AR: variants seen among roughly 807,000 people sequenced by gnomAD.
AR encodes androgen receptor.
Under a neutral mutation model 53.9 loss-of-function variants are expected in AR, and 8 were observed. The ratio of observed to expected loss-of-function variants is 0.15; its 90% confidence interval spans 0.09 to 0.27. The LOEUF is 0.27. Among genes scored for constraint, AR ranks in the 10% least tolerant of loss-of-function variants. AR has a pLI of 1.00. For synonymous variants in AR, 359 were observed against 316.4 expected (o/e 1.13, Z -1.43); for missense variants, 639 against 742.5 (o/e 0.86, Z 1.62).
At chrX:67,660,343 T>C (rs1245724734) in intron 2 of AR, among the ~76,000 whole-genome samples, 6 of 112,063 alleles carry the variant, frequency 5.4e-5, no homozygotes, top group Non-Finnish European at 1.1e-4. Context: ...TTTTATGGTT[T>C]TAGGTCTAAC....
chrX:67,627,394 T>G, intron 1 of AR, among the ~76,000 whole-genome samples: 1 of 112,431 alleles, frequency 8.9e-6, no homozygotes, highest in East Asian at 2.8e-4. Context: ...ATGGTGAGCA[T>G]TTTTTCATGT....
chrX:67,613,760 C>T (rs928746132), intron 1 of AR, among the ~76,000 whole-genome samples: 8 of 111,749 alleles, frequency 7.2e-5, no homozygotes, highest in African/African-American at 2.0e-4. Context: ...CCACCCTGAC[C>T]AAGGGGCAAC....
chrX:67,635,261 G>A (rs940730058), intron 1 of AR, among the ~76,000 whole-genome samples: 1 of 111,203 alleles, frequency 9.0e-6, no homozygotes, highest in African/African-American at 3.3e-5. Context: ...CACAAAAGCC[G>A]TCTAGAGTTG....
chrX:67,679,665 T>C (rs748186371), intron 2 of AR, among the ~76,000 whole-genome samples: 1 of 112,127 alleles, frequency 8.9e-6, no homozygotes, highest in East Asian at 2.8e-4. Context: ...GACAATGATA[T>C]TTAATTTGTA....
chrX:67,673,359 T>TTCTC (rs1390648555), intron 2 of AR, among the ~76,000 whole-genome samples: 1 of 61,722 alleles, frequency 1.6e-5, no homozygotes, highest in Non-Finnish European at 4.0e-5. Flanking sequence ...AGATCTCTCT[T>TTCTC]TCTCTCTCTG....
chrX:67,651,879 T>C (rs932758673), intron 2 of AR, among the ~76,000 whole-genome samples: 1 of 111,813 alleles, frequency 8.9e-6, no homozygotes, highest in African/African-American at 3.3e-5. Flanking sequence ...AGACCCAGCA[T>C]GGTAGCTCTT....
At position 67,726,628 on chromosome X, in the gene AR, G is replaced by A. The variant is rs915911897; in HGVS notation, c.*2787G>A. The A allele has an allele frequency of 9.7e-5, 17 of 174,656 alleles. No individual in the cohort carries two copies. Among genetic ancestry groups the A allele is most frequent in the Non-Finnish European group, 1.6e-4 (15 of 91,617 alleles). 14.4% of individuals were successfully genotyped at this position (174,656 alleles called of 1,213,427 possible). A position where few individuals can be genotyped will look rare whatever the true frequency, so the allele number is the denominator to read the frequency against. On this transcript the variant is annotated 3_prime_UTR_variant, in exon 8 of 8. Transcript: ENST00000374690. Reference sequence around the variant, plus strand: ...CCAAATTTCCAAATGACAAAACTAGGGAAAAATAGCCTACACAAGCCTTTA... The same window carrying A: ...CCAAATTTCCAAATGACAAAACTAGAGAAAAATAGCCTACACAAGCCTTTA...
At chrX:67,646,182 G>A (rs1049607117) in intron 2 of AR, among the ~76,000 whole-genome samples, 1 of 111,360 alleles carries the variant, frequency 9.0e-6, no homozygotes, top group African/African-American at 3.3e-5. Context: ...TTTAGCTTTG[G>A]TGGTTTATAA....
At chrX:67,580,132 A>G (rs1170117575) in intron 1 of AR, among the ~76,000 whole-genome samples, 2 of 108,373 alleles carry the variant, frequency 1.8e-5, no homozygotes, top group Non-Finnish European at 3.8e-5. Flanking sequence ...TCTTAAGCAT[A>G]TGGCTGTCTG....
intron 1 of AR, among the ~76,000 whole-genome samples, chrX:67,637,425 G>A (rs972764464): frequency 9.7e-6 from 1 of 102,718 alleles, no homozygotes; most frequent in Non-Finnish European, 2.0e-5. Flanking sequence ...AGAACATGTG[G>A]TGTTTGGTTT....
intron 2 of AR, among the ~76,000 whole-genome samples, chrX:67,661,528 G>A (rs1390131213): frequency 2.1e-4 from 24 of 111,654 alleles, no homozygotes; most frequent in South Asian, 1.5e-3. Flanking sequence ...ATTGATTTGC[G>A]TATATTGAAC....
chrX:67,700,795 G>A (rs1380776816), intron 3 of AR, among the ~76,000 whole-genome samples: 1 of 111,946 alleles, frequency 8.9e-6, no homozygotes, highest in Non-Finnish European at 1.9e-5. Context: ...CTTGTAATGA[G>A]TTTGCTTAGG....
chrX:67,645,768 C>CA (rs200889833), intron 2 of AR, among the ~76,000 whole-genome samples: 1,222 of 106,101 alleles, frequency 0.012, 10 homozygotes, highest in Non-Finnish European at 0.017. Flanking sequence ...CAGAATGAAG[C>CA]AAAAAAAAAA....
intron 2 of AR, among the ~76,000 whole-genome samples, chrX:67,664,534 G>T (rs764887465): frequency 8.9e-6 from 1 of 112,003 alleles, no homozygotes; most frequent in African/African-American, 3.2e-5. Flanking sequence ...CTACTTGGGG[G>T]TGCCTCCCAG....
At chrX:67,700,204 A>G (rs1180545041) in intron 3 of AR, among the ~76,000 whole-genome samples, 1 of 111,661 alleles carries the variant, frequency 9.0e-6, no homozygotes, top group Non-Finnish European at 1.9e-5. Flanking sequence ...TATTAAAACT[A>G]TCCACTTATA....
At chrX:67,634,729 C>T (rs1445044376) in intron 1 of AR, among the ~76,000 whole-genome samples, 1 of 111,391 alleles carries the variant, frequency 9.0e-6, no homozygotes, top group Non-Finnish European at 1.9e-5. Flanking sequence ...ACCAACTTCT[C>T]CACCAAAATA....
intron 2 of AR, among the ~76,000 whole-genome samples, chrX:67,663,234 A>T (rs1346928530): frequency 8.9e-6 from 1 of 111,744 alleles, no homozygotes; most frequent in Non-Finnish European, 1.9e-5. Context: ...GGTCTTTACA[A>T]TTTGGTATGT....
At position 67,719,300 on chromosome X, in the gene AR, T is replaced by G. The variant is rs866747267; in HGVS notation, c.2318+1678T>G. 6.6e-4 allele frequency among the ~76,000 whole-genome samples: 74 copies of G among 112,177 alleles called. No individual in the cohort carries two copies. In the Middle Eastern group the frequency reaches 0.023, roughly 35 times the overall value. On this transcript the variant is annotated intron_variant, in intron 5 of 7. Coordinates refer to ENST00000374690, the MANE Select transcript of AR (RefSeq NM_000044.6). Reference sequence around the variant, plus strand: ...CCCCTAACTGTTCATCTCCCATCCTTAAACCCCTGCTGCCCTTAAGCAGTT... The same window carrying G: ...CCCCTAACTGTTCATCTCCCATCCTGAAACCCCTGCTGCCCTTAAGCAGTT...
intron 3 of AR, among the ~76,000 whole-genome samples, chrX:67,699,862 C>T (rs1172224602): frequency 1.8e-5 from 2 of 111,422 alleles, no homozygotes; most frequent in Non-Finnish European, 3.8e-5. Context: ...AGGCCTATAT[C>T]TTGGAGTGGC....
Sources: allele counts gnomAD v4.1 joint callset (sites outside exome capture counted in the v4.1 genomes callset), GRCh38; gene constraint gnomAD v4.1.1; transcripts MANE v1.5; gene names NCBI Gene and HGNC (gene_info 2026-07-23, HGNC 2026-07-21).